Variants in GALNT13 observed in about 807,000 individuals in gnomAD.
GALNT13 encodes the protein UDP-GalNAc:polypeptide N-acetylgalactosaminyltransferase 13.
In GALNT13, 28 loss-of-function variants were observed where a neutral mutation model predicts 64.2. The observed-to-expected ratio is 0.44, with a 90% CI of 0.32 to 0.60. The LOEUF (loss-of-function observed/expected upper bound fraction) is 0.60, where lower values mean the gene tolerates loss of function less well. GALNT13 is among the 20% of genes least tolerant of loss of function. The probability of loss-of-function intolerance (pLI) is 0.05; values close to 1 mark genes in which losing one functional copy is unlikely to be tolerated. For synonymous variants in GALNT13, 214 were observed against 224.6 expected, an observed-to-expected ratio of 0.95 and a Z score of 0.42; for missense variants, 577 against 669.8, an observed-to-expected ratio of 0.86 and a Z score of 1.53.
At chr2:153,968,524 T>C (rs1223377907) in intron 3 of GALNT13, among the ~76,000 whole-genome samples, 1 of 152,228 alleles carries the variant, frequency 6.6e-6, no homozygotes, top group African/African-American at 2.4e-5. Context: ...TGTTGCTATG[T>C]TGAACCTAGG....
At chr2:154,019,330 G>A (rs1574341790) in intron 3 of GALNT13, among the ~76,000 whole-genome samples, 1 of 151,934 alleles carries the variant, frequency 6.6e-6, no homozygotes, top group African/African-American at 2.4e-5. Flanking sequence ...TAATTCTTTA[G>A]CATATTTGAA....
the GALNT13 span, among the ~76,000 whole-genome samples, chr2:153,664,218 C>T: frequency 2.1e-4 from 32 of 152,150 alleles, no homozygotes; most frequent in Admixed American, 5.2e-4. Flanking sequence ...TCTTCAACCA[C>T]GTAAGACAGA....
At chr2:153,600,812 T>C in the GALNT13 span, among the ~76,000 whole-genome samples, 2 of 152,006 alleles carry the variant, frequency 1.3e-5, no homozygotes, top group South Asian at 4.1e-4. Flanking sequence ...TTTTCTGTGC[T>C]GTAATTCAGA....
intron 4 of GALNT13, among the ~76,000 whole-genome samples, chr2:154,196,013 G>A (rs1227964459): frequency 6.6e-6 from 1 of 152,120 alleles, no homozygotes; most frequent in East Asian, 1.9e-4. Context: ...ATTGCATCAG[G>A]CCTGGGCCTG....
At chr2:154,267,699 G>A (rs1363490314) in intron 8 of GALNT13, among the ~76,000 whole-genome samples, 1 of 151,938 alleles carries the variant, frequency 6.6e-6, no homozygotes, top group East Asian at 1.9e-4. Context: ...AAGAGAAAGA[G>A]AAGTGAAGGC....
At chr2:153,175,073 T>C in the GALNT13 span, among the ~76,000 whole-genome samples, 30 of 152,290 alleles carry the variant, frequency 2.0e-4, no homozygotes, top group South Asian at 3.5e-3. Flanking sequence ...ATAACAACTA[T>C]ATAAAAACAT....
chr2:153,139,076 A>G, the GALNT13 span, among the ~76,000 whole-genome samples: 25 of 152,216 alleles, frequency 1.6e-4, no homozygotes, highest in African/African-American at 5.8e-4. Context: ...AACAGAAGGC[A>G]TGTGACATCA....
intron 4 of GALNT13, among the ~76,000 whole-genome samples, chr2:154,208,646 G>GTGTT (rs1687600957): frequency 7.1e-6 from 1 of 140,186 alleles, no homozygotes; most frequent in African/African-American, 2.7e-5. Flanking sequence ...GTGTGTGTGT[G>GTGTT]TGTGTGTGTG....
the GALNT13 span, among the ~76,000 whole-genome samples, chr2:153,750,453 G>A: frequency 2.6e-5 from 4 of 151,766 alleles, no homozygotes; most frequent in South Asian, 2.1e-4. Context: ...ACTAAGTCCT[G>A]GGATTTTGTT....
chr2:154,372,168 A>G (rs1017205197), intron 9 of GALNT13, among the ~76,000 whole-genome samples: 2 of 152,108 alleles, frequency 1.3e-5, no homozygotes, highest in African/African-American at 4.8e-5. Context: ...TAAAGAAGTT[A>G]CCTGGATTTG....
chr2:153,212,478 G>T, the GALNT13 span, among the ~76,000 whole-genome samples: 1 of 152,138 alleles, frequency 6.6e-6, no homozygotes, highest in Non-Finnish European at 1.5e-5. Context: ...TTCTAATTTA[G>T]AAAGATATTC....
At chr2:153,143,796 C>T in the GALNT13 span, among the ~76,000 whole-genome samples, 19 of 152,012 alleles carry the variant, frequency 1.2e-4, no homozygotes, top group Non-Finnish European at 2.4e-4. Flanking sequence ...AGAAAATCTG[C>T]CCCAGACAAC....
At chr2:153,447,908 G>A in the GALNT13 span, among the ~76,000 whole-genome samples, 1 of 152,112 alleles carries the variant, frequency 6.6e-6, no homozygotes, top group Non-Finnish European at 1.5e-5. Context: ...CAGTGTTCTA[G>A]GACATCCCAC....
chr2:153,600,518 G>T, the GALNT13 span, among the ~76,000 whole-genome samples: 4 of 151,866 alleles, frequency 2.6e-5, no homozygotes, highest in Non-Finnish European at 4.4e-5. Flanking sequence ...GAGAGGGCAT[G>T]ATCTACATAC....
chr2:154,220,176 G>A (rs1688252264), intron 4 of GALNT13, among the ~76,000 whole-genome samples: 2 of 152,106 alleles, frequency 1.3e-5, no homozygotes, highest in South Asian at 4.1e-4. Context: ...ATGAGTACTA[G>A]AATCATGTTG....
At chr2:153,907,142 A>G (rs563346412) in intron 2 of GALNT13, among the ~76,000 whole-genome samples, 41 of 151,860 alleles carry the variant, frequency 2.7e-4, no homozygotes, top group African/African-American at 9.9e-4. Flanking sequence ...GATTCTGGAT[A>G]TTAGCCCTTT....
chr2:154,245,844 T>C lies in GALNT13; in HGVS notation c.719T>C (p.Ile240Thr). 6.2e-7 allele frequency: 1 copy of C among 1,612,138 alleles called. No homozygotes were observed. Among genetic ancestry groups the C allele is most frequent in the South Asian group, 1.1e-5 (1 of 90,908 alleles). ...GTTGTCTGCCCTATCATTGATGTGATTAGTGATGATACTTTTGAATATATG... is the reference window on the plus strand; with the variant it reads ...GTTGTCTGCCCTATCATTGATGTGACTAGTGATGATACTTTTGAATATATG... ...KTVVCPIIDV[I>T]SDDTFEYMAG... is the part of the protein sequence containing the mutation. The change falls in exon 7 of 13, where the codon ATT becomes ACT. Residue 240 changes from isoleucine (I) to threonine (T), a missense_variant. Physicochemically the swap from Ile to Thr is moderately conservative, Grantham distance 89. Transcript: ENST00000392825.
At chr2:154,217,499 A>G (rs568072707) in intron 4 of GALNT13, among the ~76,000 whole-genome samples, 180 of 152,246 alleles carry the variant, frequency 1.2e-3, no homozygotes, top group African/African-American at 4.3e-3. Context: ...TAATTTACAT[A>G]CTTTTTGTTT....
chr2:153,887,579 A>G (rs1687269480), intron 1 of GALNT13, among the ~76,000 whole-genome samples: 1 of 151,854 alleles, frequency 6.6e-6, no homozygotes, highest in Non-Finnish European at 1.5e-5. Context: ...TTTCATGATA[A>G]ATATTATGAT....
Sources: gnomAD v4.1 joint callset for allele counts (sites outside exome capture counted in the v4.1 genomes callset) on GRCh38, gnomAD v4.1.1 for gene constraint, MANE v1.5 for transcripts, NCBI Gene and HGNC (gene_info 2026-07-23, HGNC 2026-07-21) for gene names.